Variants in XDH observed in about 807,000 individuals in gnomAD.
XDH encodes the protein xanthine dehydrogenase/oxidase.
XDH carries 138 observed loss-of-function variants against 156.1 expected under a neutral mutation model. The observed-to-expected ratio is 0.88, with a 90% CI of 0.77 to 1.02. XDH has a LOEUF of 1.02. Among genes scored for constraint, XDH ranks in the 50% least tolerant of loss-of-function variants. XDH has a pLI of 0.00. For missense variants in XDH, 1,849 were observed against 1,684.9 expected, an observed-to-expected ratio of 1.10 and a Z score of -1.71; for synonymous variants, 669 against 625.7, an observed-to-expected ratio of 1.07 and a Z score of -1.03.
rs780453572 is a variant in XDH, at chr2:31,388,208, G to A, written c.564+19C>T. The A allele has an allele frequency of 1.5e-5, 25 of 1,613,794 alleles. No individual in the cohort carries two copies. The highest frequency in any genetic ancestry group is 1.8e-5 in the Non-Finnish European group (21 of 1,179,822). On this transcript the variant is annotated intron_variant, in intron 7 of 35. Coordinates refer to ENST00000379416, the MANE Select transcript of XDH (RefSeq NM_000379.4). The stretch of plus-strand genomic sequence containing the variant: ...CTCAGATTACCCCCAGGCTTCCAGG[G>A]GGAGAAGAACTCACTTACTGAGTGG...
intron 25 of XDH, 52 bp downstream of exon 25, chr2:31,349,980 C>T: frequency 2.5e-6 from 4 of 1,612,320 alleles, no homozygotes; most frequent in Middle Eastern, 2.1e-4. Context: ...AGCCGCTGTC[C>T]CCCGAAGTAG....
In XDH at chr2:31,401,211, T is replaced by C. The variant is rs769117063; in HGVS notation, c.306+9A>G. 6.2e-7 allele frequency: 1 copy of C among 1,613,970 alleles called. No individual in the cohort carries two copies. The highest frequency in any genetic ancestry group is 8.5e-7 in the Non-Finnish European group (1 of 1,179,972). On this transcript the variant is annotated intron_variant, in intron 4 of 35. Transcript: ENST00000379416. ...ATCTCAAGAGCACAGCTCCCTTTCC[T>C]CTGTTTACCTGCACAGGATGCAGCC...
At chr2:31,414,516 CAAGT>C in intron 1 of XDH, 105 bp downstream of exon 1, 1 of 1,483,666 alleles carries the variant, frequency 6.7e-7, no homozygotes, top group Non-Finnish European at 9.4e-7. Context: ...AAAGACAGAA[CAAGT>C]AAGAGGGGAC....
Position 31,381,504 on chromosome 2 carries a change from C to T in XDH, c.1132+129G>A, listed in dbSNP as rs1012015395. The T allele has an allele frequency of 4.3e-6, 4 of 934,546 alleles. No homozygotes were observed. In the Admixed American group the frequency reaches 8.0e-5, roughly 19 times the overall value. The allele number at this position is 934,546 out of a possible 1,614,324, so 57.9% of individuals were successfully genotyped here. ...AAACCAGGTACATTCTCCATGCTTC[C>T]CTGGATCCAAATCACAGGGAAAGCT... On this transcript the variant is annotated intron_variant, in intron 12 of 35. Coordinates refer to ENST00000379416, the MANE Select transcript of XDH (RefSeq NM_000379.4).
intron 24 of XDH, among the ~76,000 whole-genome samples, chr2:31,358,259 A>T (rs1408829519): frequency 1.3e-5 from 2 of 152,230 alleles, no homozygotes; most frequent in Non-Finnish European, 2.9e-5. Context: ...CCACAGTGCA[A>T]TTTAATCAAT....
chr2:31,385,799 C>T (rs45585433), intron 9 of XDH, among the ~76,000 whole-genome samples: 4,293 of 152,274 alleles, frequency 0.028, 194 homozygotes, highest in African/African-American at 0.099. Context: ...TCATAGGCAA[C>T]ACAAACACAG....
At chr2:31,364,308 CT>C in intron 23 of XDH, 64 bp from the exon 24 acceptor site, 3 of 1,500,078 alleles carry the variant, frequency 2.0e-6, no homozygotes, top group Non-Finnish European at 2.8e-6. Flanking sequence ...CTCTGTCTCC[CT>C]CTGATCCTCC....
intron 22 of XDH, 27 bp from the exon 23 acceptor site, chr2:31,365,571 C>G (rs17011353): frequency 1.2e-6 from 2 of 1,613,532 alleles, no homozygotes; most frequent in African/African-American, 1.3e-5. Flanking sequence ...GTGTTAGAAG[C>G]CTGTGAGCCT....
intron 34 of XDH, among the ~76,000 whole-genome samples, chr2:31,338,777 G>GCAATGGTC (rs1239858644): frequency 1.5e-5 from 2 of 133,660 alleles, no homozygotes; most frequent in Admixed American, 8.5e-5. Context: ...AGGCTGGGGT[G>GCAATGGTC]CAATGGTCCA....
intron 16 of XDH, 79 bp downstream of exon 16, chr2:31,373,794 T>G: frequency 7.0e-7 from 1 of 1,425,500 alleles, no homozygotes; most frequent in East Asian, 2.4e-5. Flanking sequence ...AAGTTAGTCA[T>G]TAGCCGATGG....
intron 24 of XDH, among the ~76,000 whole-genome samples, chr2:31,351,963 AC>A (rs1162653147): frequency 2.6e-5 from 4 of 152,112 alleles, no homozygotes; most frequent in Admixed American, 2.0e-4. Context: ...TAACATTATA[AC>A]CTGGCATAGG....
At chr2:31,353,578 C>T (rs925201162) in intron 24 of XDH, among the ~76,000 whole-genome samples, 10 of 152,132 alleles carry the variant, frequency 6.6e-5, no homozygotes, top group Non-Finnish European at 1.3e-4. Flanking sequence ...CTTTTTGCCT[C>T]ATCTATATAT....
intron 10 of XDH, among the ~76,000 whole-genome samples, chr2:31,383,482 C>G (rs1686497264): frequency 6.6e-6 from 1 of 151,904 alleles, no homozygotes; most frequent in Non-Finnish European, 1.5e-5. Context: ...ACAATCCCCA[C>G]CTCCCCACCC....
At chr2:31,379,766 G>T in intron 13 of XDH, 101 bp downstream of exon 13, 1 of 1,121,520 alleles carries the variant, frequency 8.9e-7, no homozygotes, top group Non-Finnish European at 1.4e-6. Flanking sequence ...AAGGTTGAGA[G>T]ATGCTCAGGT....
chr2:31,408,210 T>C (rs373268206), intron 1 of XDH, among the ~76,000 whole-genome samples: 82 of 152,338 alleles, frequency 5.4e-4, no homozygotes, highest in African/African-American at 1.9e-3. Context: ...ATTTTATATC[T>C]TCTAATTCCT....
rs535177723 is a variant in XDH, at chr2:31,346,173, C to A, written c.3351+596G>T. Among the ~76,000 whole-genome samples the A allele has an allele frequency of 2.6e-5, 4 of 152,310 alleles. No homozygotes were observed. The South Asian group carries it at 8.3e-4, about 32-fold the overall frequency. On this transcript the variant is annotated intron_variant, in intron 30 of 35. Transcript: ENST00000379416. ...TTTCCACTTGCTGGAGGAGCCACAGCCTCCCGCCTGCAAGAGACTCCCTTG... is the reference window on the plus strand; with the variant it reads ...TTTCCACTTGCTGGAGGAGCCACAGACTCCCGCCTGCAAGAGACTCCCTTG...
At chr2:31,388,487 G>C (rs916690570) in intron 6 of XDH, among the ~76,000 whole-genome samples, 192 bp from the exon 7 acceptor site, 1 of 152,194 alleles carries the variant, frequency 6.6e-6, no homozygotes, top group Non-Finnish European at 1.5e-5. Flanking sequence ...GGCTAACGTA[G>C]ATTAAACAAC....
rs146283435 is a variant in XDH, at chr2:31,347,593, T to C, written c.3205A>G (p.Thr1069Ala). ...GGAGAGGTGTTGGGCACAGTGTTAG[T>C]GCTTGTCTCGCTGATATAAATCTTA... is the stretch of plus-strand genomic sequence containing the variant. ...TSKIYISETS[T>A]NTVPNTSPTA... The change falls in exon 29 of 36, where the codon ACT becomes GCT. Residue 1069 changes from threonine (T) to alanine (A), a missense_variant. Transcript: ENST00000379416. The C allele has an allele frequency of 4.5e-5, 72 of 1,614,018 alleles. No individual in the cohort carries two copies. The highest frequency in any genetic ancestry group is 6.0e-5 in the Non-Finnish European group (71 of 1,180,028).
intron 3 of XDH, among the ~76,000 whole-genome samples, chr2:31,401,670 T>C (rs892997485): frequency 3.9e-5 from 6 of 152,198 alleles, no homozygotes; most frequent in Non-Finnish European, 7.4e-5. Context: ...GAAATTTCTC[T>C]GGCAGGCTGC....
Sources: allele counts gnomAD v4.1 joint callset (sites outside exome capture counted in the v4.1 genomes callset), GRCh38; gene constraint gnomAD v4.1.1; transcripts MANE v1.5; gene names NCBI Gene and HGNC (gene_info 2026-07-23, HGNC 2026-07-21).